The following MARCHF1 variants were observed in gnomAD, a reference collection of about 807,000 sequenced individuals.
MARCHF1 encodes the protein E3 ubiquitin-protein ligase MARCHF1.
A neutral mutation model predicts 54.2 loss-of-function variants in MARCHF1; 40 were observed. The observed-to-expected ratio is 0.74, with a 90% CI of 0.57 to 0.96. The LOEUF (loss-of-function observed/expected upper bound fraction) is 0.96, where lower values mean the gene tolerates loss of function less well. Among genes scored for constraint, MARCHF1 ranks in the 40% least tolerant of loss-of-function variants. MARCHF1 has a pLI of 0.00. For synonymous variants in MARCHF1, 236 were observed against 236.3 expected, an observed-to-expected ratio of 1.00 and a Z score of 0.01; for missense variants, 586 against 656.5, an observed-to-expected ratio of 0.89 and a Z score of 1.17.
intron 1 of MARCHF1, among the ~76,000 whole-genome samples, chr4:164,166,787 A>AG (rs1464362974): frequency 6.6e-6 from 1 of 151,882 alleles, no homozygotes; most frequent in East Asian, 1.9e-4. Context: ...CAATAAACAA[A>AG]TTCAGTGAAT....
chr4:163,734,410 A>G (rs1457291110), intron 4 of MARCHF1, among the ~76,000 whole-genome samples: 1 of 152,172 alleles, frequency 6.6e-6, no homozygotes, highest in African/African-American at 2.4e-5. Context: ...ACAGCAAAAT[A>G]CTGGGGAAAA....
chr4:163,963,965 A>T (rs36008152), intron 3 of MARCHF1, among the ~76,000 whole-genome samples: 25,176 of 151,708 alleles, frequency 0.17, 2,653 homozygotes, highest in South Asian at 0.34. Flanking sequence ...AGCCCAGTAA[A>T]CCCCCAGAAC....
chr4:164,028,272 G>GTATGTTCACCACAGTGCTAT (rs1753810907), intron 2 of MARCHF1, among the ~76,000 whole-genome samples: 1 of 152,160 alleles, frequency 6.6e-6, no homozygotes, highest in Non-Finnish European at 1.5e-5. Flanking sequence ...ACATGCATTT[G>GTATGTTCACCACAGTGCTAT]TATGTTCACC....
chr4:163,569,557 C>T (rs1327746668), intron 8 of MARCHF1, among the ~76,000 whole-genome samples: 1 of 143,870 alleles, frequency 7.0e-6, no homozygotes, highest in East Asian at 2.1e-4. Flanking sequence ...TTATTCAGCT[C>T]TCCTACGAAC....
At chr4:163,837,488 G>T (rs2111119623) in intron 4 of MARCHF1, among the ~76,000 whole-genome samples, 1 of 152,132 alleles carries the variant, frequency 6.6e-6, no homozygotes, top group African/African-American at 2.4e-5. Flanking sequence ...TTAACAACAT[G>T]AAAATACATA....
At chr4:164,316,079 G>A (rs974795171) in intron 1 of MARCHF1, among the ~76,000 whole-genome samples, 11 of 152,082 alleles carry the variant, frequency 7.2e-5, no homozygotes, top group African/African-American at 1.9e-4. Context: ...CTGACAAAAT[G>A]AGCTAATATA....
intron 4 of MARCHF1, among the ~76,000 whole-genome samples, chr4:163,728,467 C>A (rs1055994265): frequency 6.6e-5 from 10 of 152,110 alleles, no homozygotes; most frequent in African/African-American, 2.4e-4. Context: ...TCTTTGATTT[C>A]TTTTCGTAGT....
chr4:163,604,690 T>C (rs906304725), intron 7 of MARCHF1, among the ~76,000 whole-genome samples: 4 of 152,150 alleles, frequency 2.6e-5, no homozygotes, highest in African/African-American at 4.8e-5. Flanking sequence ...CTATGGTTGA[T>C]AAGGAAGTCC....
chr4:163,684,279 A>G (rs2111175210), intron 5 of MARCHF1, among the ~76,000 whole-genome samples: 1 of 152,326 alleles, frequency 6.6e-6, no homozygotes, highest in East Asian at 1.9e-4. Context: ...ATGTTGGTGT[A>G]GCAAGTAAAA....
chr4:163,852,566 G>A (rs1749670217), intron 4 of MARCHF1, among the ~76,000 whole-genome samples: 1 of 152,126 alleles, frequency 6.6e-6, no homozygotes, highest in Non-Finnish European at 1.5e-5. Context: ...ACGAGATAAT[G>A]CAGATGACAA....
intron 3 of MARCHF1, among the ~76,000 whole-genome samples, chr4:163,940,541 ATG>A (rs1253780433): frequency 6.6e-6 from 1 of 151,978 alleles, no homozygotes; most frequent in Non-Finnish European, 1.5e-5. Flanking sequence ...TGTTTCCTCT[ATG>A]TCCACCATTG....
At chr4:163,597,834 C>T (rs931579326) in intron 7 of MARCHF1, among the ~76,000 whole-genome samples, 4 of 152,128 alleles carry the variant, frequency 2.6e-5, no homozygotes, top group African/African-American at 7.2e-5. Context: ...ACTTTTGTAG[C>T]ATTTTGTTTC....
chr4:164,272,324 T>C (rs1354524009), intron 1 of MARCHF1, among the ~76,000 whole-genome samples: 3 of 152,052 alleles, frequency 2.0e-5, no homozygotes, highest in Non-Finnish European at 2.9e-5. Context: ...ACAAAACGAT[T>C]ACAACATTGT....
intron 4 of MARCHF1, among the ~76,000 whole-genome samples, chr4:163,789,990 A>T (rs1297559606): frequency 6.6e-6 from 1 of 152,126 alleles, no homozygotes; most frequent in East Asian, 1.9e-4. Flanking sequence ...GCACCAGTTC[A>T]GTAAGTATAA....
intron 2 of MARCHF1, among the ~76,000 whole-genome samples, chr4:164,030,162 TA>T (rs1270494256): frequency 6.6e-6 from 1 of 151,978 alleles, no homozygotes; most frequent in Non-Finnish European, 1.5e-5. Context: ...TTCGTATATT[TA>T]AAATTTTGAT....
At chr4:163,699,760 T>C (rs2111226902) in intron 5 of MARCHF1, among the ~76,000 whole-genome samples, 1 of 152,294 alleles carries the variant, frequency 6.6e-6, no homozygotes, top group East Asian at 1.9e-4. Context: ...AAGTCATTGT[T>C]TTCCATTTTG....
intron 3 of MARCHF1, among the ~76,000 whole-genome samples, chr4:163,936,707 A>G (rs1466052120): frequency 6.6e-6 from 1 of 152,222 alleles, no homozygotes; most frequent in Non-Finnish European, 1.5e-5. Flanking sequence ...CCAGCTTGAG[A>G]TGTAAACCAA....
chr4:164,124,021 CAG>C (rs1756129234), intron 1 of MARCHF1, among the ~76,000 whole-genome samples: 1 of 151,882 alleles, frequency 6.6e-6, no homozygotes, highest in African/African-American at 2.4e-5. Flanking sequence ...GGATTAATAA[CAG>C]AATATACAAG....
chr4:164,257,632 T>A (rs958952019), intron 1 of MARCHF1, among the ~76,000 whole-genome samples: 1 of 151,944 alleles, frequency 6.6e-6, no homozygotes, highest in Non-Finnish European at 1.5e-5. Context: ...TCATGTATAT[T>A]TTTTAATGTT....
Sources: gnomAD v4.1 joint callset for allele counts (sites outside exome capture counted in the v4.1 genomes callset) on GRCh38, gnomAD v4.1.1 for gene constraint, MANE v1.5 for transcripts, NCBI Gene and HGNC (gene_info 2026-07-23, HGNC 2026-07-21) for gene names.